Variants in HECW2 observed in about 807,000 individuals in gnomAD.
HECW2 encodes HECT, C2 and WW domain containing E3 ubiquitin protein ligase 2, also known as E3 ubiquitin-protein ligase HECW2.
In HECW2, 61 loss-of-function variants were observed where a neutral mutation model predicts 175.2. The ratio of observed to expected loss-of-function variants is 0.35; its 90% CI spans 0.28 to 0.43. The LOEUF is 0.43. Ranked by LOEUF, HECW2 falls within the 20% of genes least tolerant of loss-of-function variation. The pLI, the probability that HECW2 is intolerant of heterozygous loss-of-function variation, is 1.00. For missense variants in HECW2, 1,524 were observed against 2,000.5 expected (o/e 0.76, Z 4.54); for synonymous variants, 671 against 731.0 (o/e 0.92, Z 1.32).
At position 196,577,542 on chromosome 2, in the gene HECW2, C is replaced by T. The variant is rs192217892; in HGVS notation, c.-36+15966G>A. On this transcript the variant is annotated intron_variant, in intron 1 of 28. Coordinates refer to ENST00000644978, the MANE Select transcript of HECW2 (RefSeq NM_001348768.2). ...CATATAGGTCTTTGCAAAGCTCTGA[C>T]GTATTCCTTAGACTCTAGAACGCCA... Among the ~76,000 whole-genome samples the T allele has an allele frequency of 1.6e-4, 24 of 152,226 alleles. No individual in the cohort carries two copies. In the East Asian group the frequency reaches 3.3e-3, roughly 21 times the overall value.
intron 21 of HECW2, among the ~76,000 whole-genome samples, chr2:196,238,270 A>T (rs1688324171): frequency 6.6e-6 from 1 of 152,126 alleles, no homozygotes; most frequent in African/African-American, 2.4e-5. Flanking sequence ...GAAAACCTCC[A>T]GCTCCATTTT....
At chr2:196,560,265 C>T (rs1689951660) in intron 1 of HECW2, among the ~76,000 whole-genome samples, 1 of 152,156 alleles carries the variant, frequency 6.6e-6, no homozygotes, top group African/African-American at 2.4e-5. Context: ...CCTGCCTCAG[C>T]CTCCCAAGTA....
chr2:196,450,489 ATT>A (rs34937207), intron 1 of HECW2, among the ~76,000 whole-genome samples: 1,631 of 135,438 alleles, frequency 0.012, 34 homozygotes, highest in African/African-American at 0.042. Flanking sequence ...CAAATATCAG[ATT>A]TTTTTTTTTT....
Position 196,308,079 on chromosome 2 carries a change from T to C in HECW2, c.2441A>G (p.Glu814Gly). ...CCTGCCGTGGCTGTCAATGCGTGCC[T>C]CCCAGTCTAAATGGCAGTGAGGCAC... Reference protein sequence around the residue: ...RVDEALPPNWEARIDSHGRIF... With the variant: ...RVDEALPPNWGARIDSHGRIF... The change falls in exon 11 of 29, where the codon GAG becomes GGG. Residue 814 changes from glutamate to glycine, a missense_variant. Coordinates refer to ENST00000644978, the MANE Select transcript of HECW2 (RefSeq NM_001348768.2). 1 of 1,583,248 alleles carries C rather than the reference T, an allele frequency of 6.3e-7. No individual in the cohort carries two copies. The highest frequency in any genetic ancestry group is 8.6e-7 in the Non-Finnish European group (1 of 1,158,224).
In HECW2 at chr2:196,201,052, T is replaced by G. The variant is rs1440345904; in HGVS notation, c.*225A>C. 1 of 468,014 alleles carries G rather than the reference T, an allele frequency of 2.1e-6. No homozygotes were observed. Among genetic ancestry groups the G allele is most frequent in the African/African-American group, 2.0e-5 (1 of 51,238 alleles). The allele number at this position is 468,014 out of a possible 1,614,324, so 29.0% of individuals were successfully genotyped here. A position where few individuals can be genotyped will look rare whatever the true frequency, so the allele number is the denominator to read the frequency against. ...AGTTTGGCAGTCAAGAACTGTTGAT[T>G]GAAAGACGGTTGGGTTGTTCCCTGG... On this transcript the variant is annotated 3_prime_UTR_variant, in exon 29 of 29. Transcript: ENST00000644978.
At chr2:196,488,324 T>G (rs1159176666) in intron 1 of HECW2, among the ~76,000 whole-genome samples, 4 of 152,202 alleles carry the variant, frequency 2.6e-5, no homozygotes, top group Non-Finnish European at 5.9e-5. Flanking sequence ...GACAAATATT[T>G]CCACCCACAT....
At chr2:196,537,802 GATA>G (rs1479067272) in intron 1 of HECW2, among the ~76,000 whole-genome samples, 3 of 152,152 alleles carry the variant, frequency 2.0e-5, no homozygotes, top group South Asian at 2.1e-4. Context: ...TTTCTTTGAA[GATA>G]ATAATATTGA....
chr2:196,473,956 T>A (rs1697318738), intron 1 of HECW2, among the ~76,000 whole-genome samples: 1 of 152,210 alleles, frequency 6.6e-6, no homozygotes, highest in Admixed American at 6.5e-5. Flanking sequence ...TTTTGCCTGA[T>A]ACAATGCAGC....
intron 1 of HECW2, among the ~76,000 whole-genome samples, chr2:196,588,686 C>T (rs1027396758): frequency 1.3e-5 from 2 of 152,098 alleles, no homozygotes; most frequent in Admixed American, 1.3e-4. Context: ...ATACGTTGAA[C>T]AAGACTAGAA....
chr2:196,275,568 A>G (rs975230891), intron 15 of HECW2, among the ~76,000 whole-genome samples: 1 of 152,180 alleles, frequency 6.6e-6, no homozygotes, highest in South Asian at 2.1e-4. Context: ...CCTGGCCAAC[A>G]TGGTGAAACC....
intron 17 of HECW2, among the ~76,000 whole-genome samples, chr2:196,265,066 G>C (rs992858798): frequency 6.6e-6 from 1 of 152,216 alleles, no homozygotes; most frequent in Non-Finnish European, 1.5e-5. Flanking sequence ...TCAGTCCTCA[G>C]TCTAGGCATG....
chr2:196,258,666 T>A (rs966437369), intron 17 of HECW2, among the ~76,000 whole-genome samples: 1 of 152,206 alleles, frequency 6.6e-6, no homozygotes, highest in Admixed American at 6.5e-5. Flanking sequence ...ACAATTTTAA[T>A]AATTTTTTTC....
At chr2:196,408,736 T>C (rs533108821) in intron 2 of HECW2, among the ~76,000 whole-genome samples, 2 of 152,356 alleles carry the variant, frequency 1.3e-5, no homozygotes, top group East Asian at 3.9e-4. Context: ...TATCTCCCTT[T>C]AGCTTCCATT....
chr2:196,448,257 C>G (rs1696244062), intron 1 of HECW2, among the ~76,000 whole-genome samples: 1 of 152,240 alleles, frequency 6.6e-6, no homozygotes, highest in South Asian at 2.1e-4. Context: ...AATAGATTTA[C>G]TTTAAGAGGC....
At chr2:196,519,064 A>G (rs1429735604) in intron 1 of HECW2, among the ~76,000 whole-genome samples, 1 of 152,224 alleles carries the variant, frequency 6.6e-6, no homozygotes, top group Non-Finnish European at 1.5e-5. Flanking sequence ...TAATACTAAT[A>G]ATAGCTAGCA....
chr2:196,366,696 T>C (rs946886885), intron 2 of HECW2, among the ~76,000 whole-genome samples: 2 of 152,188 alleles, frequency 1.3e-5, no homozygotes, highest in African/African-American at 4.8e-5. Flanking sequence ...GAGTATTATA[T>C]TTTTCCTTAA....
chr2:196,588,117 C>T (rs930479159), intron 1 of HECW2, among the ~76,000 whole-genome samples: 3 of 152,184 alleles, frequency 2.0e-5, no homozygotes, highest in Non-Finnish European at 4.4e-5. Flanking sequence ...CCAAAGCACT[C>T]ATCTCCTTCT....
intron 14 of HECW2, chr2:196,291,525 G>A (rs1441964081): frequency 6.6e-6 from 1 of 152,080 alleles, no homozygotes; most frequent in Non-Finnish European, 1.5e-5. Flanking sequence ...ACACTCCAAG[G>A]GTTGTTAAAT....
intron 2 of HECW2, among the ~76,000 whole-genome samples, chr2:196,388,238 T>A (rs897482433): frequency 6.6e-6 from 1 of 152,130 alleles, no homozygotes; most frequent in African/African-American, 2.4e-5. Context: ...AAGGTTGCAA[T>A]AGCTATGATT....
Sources: allele counts gnomAD v4.1 joint callset (sites outside exome capture counted in the v4.1 genomes callset), GRCh38; gene constraint gnomAD v4.1.1; transcripts MANE v1.5; gene names NCBI Gene and HGNC (gene_info 2026-07-23, HGNC 2026-07-21).